The following PTPRT variants were observed in gnomAD, a reference collection of about 807,000 sequenced individuals.
PTPRT encodes the protein receptor-type tyrosine-protein phosphatase T.
A neutral mutation model predicts 176.8 loss-of-function variants in PTPRT; 56 were observed. The observed-to-expected ratio is 0.32, with a 90% CI of 0.26 to 0.40. The LOEUF (loss-of-function observed/expected upper bound fraction) is 0.40, where lower values mean the gene tolerates loss of function less well. Ranked by LOEUF, PTPRT falls within the 10% of genes least tolerant of loss-of-function variation. The pLI is 1.00. For synonymous variants in PTPRT, 783 were observed against 739.0 expected (o/e 1.06, Z -0.96); for missense variants, 1,540 against 1,908.2 (o/e 0.81, Z 3.60).
At chr20:43,095,551 G>A (rs560940802) in intron 1 of PTPRT, among the ~76,000 whole-genome samples, 2 of 150,374 alleles carry the variant, frequency 1.3e-5, no homozygotes, top group South Asian at 4.3e-4. Flanking sequence ...CCAGCCCCCC[G>A]GCTATCTCTC....
At chr20:42,997,753 T>C (rs1040341511) in intron 1 of PTPRT, among the ~76,000 whole-genome samples, 1 of 152,154 alleles carries the variant, frequency 6.6e-6, no homozygotes, top group African/African-American at 2.4e-5. Context: ...AAGTGCTCAT[T>C]AGCGATGATC....
At chr20:42,450,797 G>A (rs2070814225) in intron 8 of PTPRT, among the ~76,000 whole-genome samples, 1 of 152,198 alleles carries the variant, frequency 6.6e-6, no homozygotes, top group Non-Finnish European at 1.5e-5. Flanking sequence ...AACAAAGAGA[G>A]ATGTAGTCAA....
At chr20:42,083,118 C>CAA (rs3084622) in intron 29 of PTPRT, among the ~76,000 whole-genome samples, 90 of 60,066 alleles carry the variant, frequency 1.5e-3, no homozygotes, top group African/African-American at 7.4e-3. Context: ...GACACTAGTG[C>CAA]AAAAAAAAAA....
At chr20:42,986,805 G>A (rs1404276883) in intron 1 of PTPRT, among the ~76,000 whole-genome samples, 3 of 152,086 alleles carry the variant, frequency 2.0e-5, no homozygotes, top group African/African-American at 4.8e-5. Context: ...CTCCACACCC[G>A]ACTGTGAAGA....
intron 7 of PTPRT, among the ~76,000 whole-genome samples, chr20:42,625,221 C>A (rs1044851564): frequency 6.6e-6 from 1 of 152,120 alleles, no homozygotes; most frequent in Non-Finnish European, 1.5e-5. Context: ...CCTCTACTAG[C>A]TCCAGGGTCC....
At chr20:42,199,461 T>C (rs1236607098) in intron 15 of PTPRT, 73 bp from the exon 16 acceptor site, 3 of 1,503,410 alleles carry the variant, frequency 2.0e-6, no homozygotes, top group South Asian at 2.5e-5. Context: ...GGGTAGATTG[T>C]TCTTCCCCAA....
chr20:43,083,341 TATATATATATATATATA>T (rs2011503223), intron 1 of PTPRT, among the ~76,000 whole-genome samples: 1 of 40,666 alleles, frequency 2.5e-5, no homozygotes, highest in Admixed American at 2.2e-4. Flanking sequence ...TATATATATA[TATATATATATATATATA>T]TATATATATA....
intron 7 of PTPRT, among the ~76,000 whole-genome samples, chr20:42,660,271 A>G (rs1195662935): frequency 6.6e-6 from 1 of 152,106 alleles, no homozygotes; most frequent in African/African-American, 2.4e-5. Flanking sequence ...CCACTCTGAT[A>G]GGTTCTCTTA....
chr20:42,384,180 A>G (rs1243388002), intron 9 of PTPRT, among the ~76,000 whole-genome samples: 1 of 152,190 alleles, frequency 6.6e-6, no homozygotes, highest in Non-Finnish European at 1.5e-5. Flanking sequence ...GGTCAGTGAT[A>G]CTAGCTGGGA....
chr20:42,454,669 T>A (rs2070889730), intron 8 of PTPRT, among the ~76,000 whole-genome samples: 1 of 152,246 alleles, frequency 6.6e-6, no homozygotes, highest in South Asian at 2.1e-4. Flanking sequence ...TGGCTATATG[T>A]GCTACTGAAA....
At position 42,081,984 on chromosome 20, in the gene PTPRT, G is replaced by A. The variant is rs755683725; in HGVS notation, c.4170C>T (p.Ala1390=). ...GGATCATCTCACACACACTGCAGAT[G>A]GCACAGAAGGTTCCACTACGGCCTC... The part of the protein sequence containing the change: ...NGGGRSGTFC[A]ICSVCEMIQQ... Residue 1390 remains alanine (A), a synonymous_variant, in exon 30 of 31, where the codon GCC becomes GCT. Transcript: ENST00000373187. 6.2e-7 allele frequency: 1 copy of A among 1,614,204 alleles called. No individual in the cohort carries two copies. The highest frequency in any genetic ancestry group is 1.1e-5 in the South Asian group (1 of 91,078).
chr20:43,051,613 A>G (rs1469737911), intron 1 of PTPRT, among the ~76,000 whole-genome samples: 1 of 124,218 alleles, frequency 8.1e-6, no homozygotes, highest in Non-Finnish European at 1.6e-5. Flanking sequence ...TTCCAGCCAC[A>G]CTCTGTAACT....
intron 17 of PTPRT, 106 bp downstream of exon 17, chr20:42,161,246 A>C: frequency 7.7e-7 from 1 of 1,303,528 alleles, no homozygotes; most frequent in African/African-American, 1.5e-5. Flanking sequence ...CTCCCAGGTG[A>C]TACTGAGGCT....
At chr20:42,181,260 G>T (rs921628855) in intron 16 of PTPRT, among the ~76,000 whole-genome samples, 4 of 152,162 alleles carry the variant, frequency 2.6e-5, no homozygotes, top group African/African-American at 9.7e-5. Context: ...TAGAAGCCTA[G>T]AGCCCTCTGG....
At chr20:42,679,715 A>AT (rs11344776) in intron 6 of PTPRT, among the ~76,000 whole-genome samples, 26 of 150,994 alleles carry the variant, frequency 1.7e-4, no homozygotes, top group Admixed American at 5.9e-4. Flanking sequence ...TATTGTAAGG[A>AT]TTTTTTTTTT....
chr20:42,896,017 G>A (rs983937526), intron 1 of PTPRT, among the ~76,000 whole-genome samples: 1 of 152,142 alleles, frequency 6.6e-6, no homozygotes, highest in Non-Finnish European at 1.5e-5. Flanking sequence ...GGAGGAACAC[G>A]TCTCCCATTG....
At chr20:42,816,224 T>C (rs1044805598) in intron 2 of PTPRT, among the ~76,000 whole-genome samples, 1 of 152,184 alleles carries the variant, frequency 6.6e-6, no homozygotes, top group East Asian at 1.9e-4. Flanking sequence ...TCAGATGCTA[T>C]GATAAAAGTA....
chr20:42,075,065 C>A lies in PTPRT; in HGVS notation c.*5814G>T. ...CTATGACCTCAAAGGCAGATCCCTG[C>A]AAGACAAAGCCAAGGCCTTGCATTC... On this transcript the variant is annotated 3_prime_UTR_variant, in exon 31 of 31. Transcript: ENST00000373187. The A allele has an allele frequency of 2.6e-6, 1 of 386,412 alleles. No individual in the cohort carries two copies. Among genetic ancestry groups the A allele is most frequent in the East Asian group, 3.7e-5 (1 of 27,278 alleles). The allele number at this position is 386,412 out of a possible 1,614,324, so 23.9% of individuals were successfully genotyped here.
rs577963223 is a variant in PTPRT, at chr20:42,089,838, A to G, written c.3847-3985T>C. ...ATAAGAGAAAGAAAGCAGGGGGGCC[A>G]TGTTTTCTCTTCCCACTGACCCTTT... is the stretch of plus-strand genomic sequence containing the variant. On this transcript the variant is annotated intron_variant, in intron 27 of 30. Transcript: ENST00000373187. Among the ~76,000 whole-genome samples, 4 of 152,274 alleles carry G rather than the reference A, an allele frequency of 2.6e-5. No homozygotes were observed. In the East Asian group the frequency reaches 7.7e-4, roughly 29 times the overall value.
Sources: gnomAD v4.1 joint callset for allele counts (sites outside exome capture counted in the v4.1 genomes callset) on GRCh38, gnomAD v4.1.1 for gene constraint, MANE v1.5 for transcripts, NCBI Gene and HGNC (gene_info 2026-07-23, HGNC 2026-07-21) for gene names.